Variants in UBR1 observed in about 807,000 individuals in gnomAD.
The protein encoded by UBR1 is ubiquitin protein ligase E3 component n-recognin 1, also known as E3 ubiquitin-protein ligase UBR1.
A neutral mutation model predicts 242.1 loss-of-function variants in UBR1; 102 were observed. That is an observed-to-expected ratio of 0.42 (90% CI 0.36 to 0.50). The LOEUF is 0.50. Among genes scored for constraint, UBR1 ranks in the 20% least tolerant of loss-of-function variants. The probability of loss-of-function intolerance (pLI) is 0.01; values close to 1 mark genes in which losing one functional copy is unlikely to be tolerated. For synonymous variants in UBR1, 675 were observed against 684.8 expected (o/e 0.99, Z 0.22); for missense variants, 1,772 against 2,101.8 (o/e 0.84, Z 3.07).
rs767520174 is a variant in UBR1, at chr15:43,057,262, T to C, written c.1183-820A>G. On this transcript the variant is annotated intron_variant, in intron 10 of 46. Coordinates refer to ENST00000290650, the MANE Select transcript of UBR1 (RefSeq NM_174916.3). ...GCTGAAGGATAAGACATACAACAAA[T>C]GTCTTAGTTACTTTTAAGTCTGCAT... Among the ~76,000 whole-genome samples, 128 of 152,162 alleles carry C rather than the reference T, an allele frequency of 8.4e-4. 1 individual carries two copies. Among genetic ancestry groups the C allele is most frequent in the Non-Finnish European group, 1.1e-3 (73 of 68,014 alleles).
intron 41 of UBR1, 56 bp from the exon 42 acceptor site, chr15:42,964,099 G>T: frequency 8.6e-7 from 1 of 1,163,436 alleles, no homozygotes; most frequent in Non-Finnish European, 1.3e-6. Context: ...TGGTCAATCT[G>T]TGCATTAGAG....
intron 12 of UBR1, among the ~76,000 whole-genome samples, chr15:43,053,929 C>T (rs989441105): frequency 1.3e-5 from 2 of 151,552 alleles, no homozygotes; most frequent in Admixed American, 6.6e-5. Flanking sequence ...TGCGTTCAAG[C>T]GATTCTTCTG....
At chr15:43,036,129 T>C in intron 19 of UBR1, 49 bp downstream of exon 19, 1 of 1,420,764 alleles carries the variant, frequency 7.0e-7, no homozygotes, top group Non-Finnish European at 9.9e-7. Flanking sequence ...ACTGAAATAG[T>C]AACAATATTT....
intron 35 of UBR1, among the ~76,000 whole-genome samples, chr15:42,988,286 T>C (rs982727069): frequency 6.6e-6 from 1 of 151,820 alleles, no homozygotes. Context: ...TGTGTGTGTG[T>C]GTGTGTGAAC....
At chr15:42,998,106 TA>T in intron 33 of UBR1, 61 bp downstream of exon 33, 1 of 1,405,108 alleles carries the variant, frequency 7.1e-7, no homozygotes. Context: ...AATAATTATT[TA>T]AAAAAATAAA....
Position 43,091,008 on chromosome 15 carries a change from C to T in UBR1, c.82-4768G>A, listed in dbSNP as rs575644714. ...AGGCTGGAGTGCAATGGCACGATCT[C>T]GGCCCATGCAACCTCTGCCTCCCGG... On this transcript the variant is annotated intron_variant, in intron 1 of 46. Transcript: ENST00000290650. Among the ~76,000 whole-genome samples the T allele has an allele frequency of 2.9e-3, 442 of 152,228 alleles. 5 individuals carry two copies. The highest frequency in any genetic ancestry group is 4.8e-3 in the Non-Finnish European group (324 of 68,020).
chr15:43,038,935 G>A (rs2033376922), intron 15 of UBR1, among the ~76,000 whole-genome samples: 1 of 149,748 alleles, frequency 6.7e-6, no homozygotes, highest in Non-Finnish European at 1.5e-5. Context: ...TCATTAAAAA[G>A]GTACTTTTAA....
intron 14 of UBR1, among the ~76,000 whole-genome samples, chr15:43,044,675 G>A (rs764051020): frequency 1.6e-4 from 25 of 152,198 alleles, no homozygotes; most frequent in South Asian, 4.1e-4. Flanking sequence ...GGCAGATCAC[G>A]AGGTCAGGAG....
intron 3 of UBR1, among the ~76,000 whole-genome samples, chr15:43,079,460 T>C (rs1217708584): frequency 1.3e-5 from 2 of 152,118 alleles, no homozygotes; most frequent in African/African-American, 4.8e-5. Context: ...TATATCCTAG[T>C]AAAACTATTT....
intron 14 of UBR1, among the ~76,000 whole-genome samples, chr15:43,046,086 A>G (rs2033481879): frequency 6.6e-6 from 1 of 152,228 alleles, no homozygotes; most frequent in African/African-American, 2.4e-5. Context: ...TAGGAGCTAT[A>G]AGTGAAGATA....
At chr15:43,059,588 C>CAAAA (rs36021315) in intron 8 of UBR1, 114 bp downstream of exon 8, 5 of 1,012,806 alleles carry the variant, frequency 4.9e-6, no homozygotes, top group African/African-American at 4.1e-5. Context: ...GTGTATAAAC[C>CAAAA]AAAAAAAAAA....
At position 42,988,267 on chromosome 15, in the gene UBR1, A is replaced by ATGTG. The variant is rs774155766; in HGVS notation, c.3997+551_3997+552insCACA. On this transcript the variant is annotated intron_variant, in intron 35 of 46. Transcript: ENST00000290650. Reference sequence around the variant, plus strand: ...CCTTTAATATAGATACTAAAGGAATATATGTGTGTGTGTGTGTGTGTGTGT... The same window carrying ATGTG: ...CCTTTAATATAGATACTAAAGGAATATGTGTATGTGTGTGTGTGTGTGTGTGTGT... 4.6e-3 allele frequency among the ~76,000 whole-genome samples: 525 copies of ATGTG among 113,700 alleles called. 3 individuals carry two copies. Among genetic ancestry groups the ATGTG allele is most frequent in the Middle Eastern group, 0.014 (3 of 216 alleles). The allele number at this position is 113,700 out of a possible 152,430, so 74.6% of individuals were successfully genotyped here.
chr15:42,975,443 G>GT (rs34580188), intron 39 of UBR1, among the ~76,000 whole-genome samples: 81,714 of 151,438 alleles, frequency 0.54, 26,740 homozygotes, highest in Non-Finnish European at 0.7. Flanking sequence ...AATTGTTTCT[G>GT]TTTTTTTTGA....
intron 43 of UBR1, among the ~76,000 whole-genome samples, chr15:42,959,043 C>T (rs948888204): frequency 7.9e-5 from 12 of 152,118 alleles, no homozygotes; most frequent in Admixed American, 7.2e-4. Flanking sequence ...GTTGGTCAGG[C>T]TGGTCTCGAA....
chr15:43,103,990 C>CA (rs896022261), intron 1 of UBR1, among the ~76,000 whole-genome samples: 9 of 151,832 alleles, frequency 5.9e-5, no homozygotes, highest in African/African-American at 1.7e-4. Flanking sequence ...AGATCCAAGC[C>CA]AAAAAAGGGG....
chr15:43,006,859 GA>G (rs991518077), intron 30 of UBR1, among the ~76,000 whole-genome samples: 3 of 150,238 alleles, frequency 2.0e-5, no homozygotes, highest in Non-Finnish European at 4.4e-5. Flanking sequence ...GATCCTAAGT[GA>G]AAAAAAAAGT....
At chr15:43,075,893 G>A (rs2033883461) in intron 3 of UBR1, among the ~76,000 whole-genome samples, 1 of 151,740 alleles carries the variant, frequency 6.6e-6, no homozygotes. Flanking sequence ...GGGATTATAG[G>A]CATAAGCCAC....
At chr15:43,067,176 T>C (rs748591480) in intron 6 of UBR1, among the ~76,000 whole-genome samples, 8 of 152,218 alleles carry the variant, frequency 5.3e-5, no homozygotes, top group Non-Finnish European at 1.0e-4. Flanking sequence ...GTTTGACATA[T>C]GTAAATACTT....
rs2031809892 is a variant in UBR1 at position 42,950,246 on chromosome 15, A to AT, written c.5108+15dup. The AT allele has an allele frequency of 2.5e-6, 4 of 1,606,376 alleles. 1 individual carries two copies. Among genetic ancestry groups the AT allele is most frequent in the Admixed American group, 3.3e-5 (2 of 59,990 alleles). On this transcript the variant is annotated intron_variant, in intron 46 of 46. Coordinates refer to ENST00000290650, the MANE Select transcript of UBR1 (RefSeq NM_174916.3). ...GAACTTACTGAAACCTTCCTATTAT[A>AT]TAAAAAAAATCTTACTTCAGGCCAG...
Sources: allele counts gnomAD v4.1 joint callset (sites outside exome capture counted in the v4.1 genomes callset), GRCh38; gene constraint gnomAD v4.1.1; transcripts MANE v1.5; gene names NCBI Gene and HGNC (gene_info 2026-07-23, HGNC 2026-07-21).